The following PFKP variants were observed in gnomAD, a reference collection of about 807,000 sequenced individuals.
The protein encoded by PFKP is phosphofructokinase, platelet.
A neutral mutation model predicts 94.3 loss-of-function variants in PFKP; 101 were observed. That is an observed-to-expected ratio of 1.07 (90% CI 0.91 to 1.26). The LOEUF (loss-of-function observed/expected upper bound fraction) is 1.26, where lower values mean the gene tolerates loss of function less well. Ranked by LOEUF, PFKP falls within the 50% of genes most tolerant of loss-of-function variation. The probability of loss-of-function intolerance (pLI) is 0.00; values close to 1 mark genes in which losing one functional copy is unlikely to be tolerated. For synonymous variants in PFKP, 573 were observed against 432.6 expected, an observed-to-expected ratio of 1.32 and a Z score of -4.03; for missense variants, 1,145 against 1,103.3, an observed-to-expected ratio of 1.04 and a Z score of -0.53.
Position 3,103,777 on chromosome 10 carries a change from A to G in PFKP, c.455-2A>G, listed in dbSNP as rs112365144. On this transcript the variant is annotated splice_acceptor_variant, in intron 4 of 21. Coordinates refer to ENST00000381125, the MANE Select transcript of PFKP (RefSeq NM_002627.5). LOFTEE classifies it high-confidence loss of function. ...GAGACGTGCTGTTTGCTCCCCGCGC[A>G]GGCCAGATCGATAAGGAGGCCGTGC... 1.9e-6 allele frequency: 3 copies of G among 1,613,836 alleles called. No individual in the cohort carries two copies. Among genetic ancestry groups the G allele is most frequent in the Non-Finnish European group, 2.5e-6 (3 of 1,180,026 alleles).
At chr10:3,127,630 C>T (rs1313401232) in intron 16 of PFKP, among the ~76,000 whole-genome samples, 1 of 152,196 alleles carries the variant, frequency 6.6e-6, no homozygotes, top group Non-Finnish European at 1.5e-5. Flanking sequence ...TGGAACAGTG[C>T]AACCCTCAGA....
chr10:3,134,719 T>TGA, intron 20 of PFKP, 137 bp downstream of exon 20: 1 of 596,562 alleles, frequency 1.7e-6, no homozygotes, highest in Non-Finnish European at 3.0e-6. Flanking sequence ...GATGTTTTAC[T>TGA]CCTGATCTCT....
chr10:3,129,954 G>C lies in PFKP; in HGVS notation c.1819G>C (p.Glu607Gln). The C allele has an allele frequency of 1.3e-6, 2 of 1,596,176 alleles. No homozygotes were observed. The highest frequency in any genetic ancestry group is 1.7e-6 in the Non-Finnish European group (2 of 1,169,776). Residue 607 changes from glutamate (E) to glutamine (Q), a missense_variant, in exon 17 of 22, where the codon GAA (glutamate) becomes CAA (glutamine). Glu to Gln is a conservative substitution (Grantham distance 29). Around this residue, in one of 3 missense-constraint regions of PFKP, gnomAD observed 1,119 missense variants for 1,062.8 expected, o/e 1.05. Coordinates refer to ENST00000381125, the MANE Select transcript of PFKP (RefSeq NM_002627.5). ...CGGAGCTGATGCCGCATACATTTTC[G>C]AAGAGCCCTTCGACATCAGGGATCT... ...AAGADAAYIFEEPFDIRDLQS... is the reference protein window; with the variant it reads ...AAGADAAYIFQEPFDIRDLQS...
Position 3,103,892 on chromosome 10 carries a change from G to A in PFKP, c.568G>A (p.Ala190Thr), listed in dbSNP as rs1313326199. The A allele has an allele frequency of 5.0e-6, 8 of 1,613,820 alleles. No individual in the cohort carries two copies. Among genetic ancestry groups the A allele is most frequent in the East Asian group, 2.2e-5 (1 of 44,872 alleles). ...GTDMTIGTDS[A>T]LHRIIEVVDA... is the part of the protein sequence containing the mutation. Reference sequence around the variant, plus strand: ...CGACATGACCATCGGCACGGACTCCGCCCTGCACAGGATCATCGAGGTCGT... The same window carrying A: ...CGACATGACCATCGGCACGGACTCCACCCTGCACAGGATCATCGAGGTCGT... Residue 190 changes from alanine to threonine, a missense_variant, in exon 5 of 22, where the codon GCC (alanine) becomes ACC (threonine). Ala to Thr is a moderately conservative substitution (Grantham distance 58, BLOSUM62 0). Around this residue, in one of 3 missense-constraint regions of PFKP, gnomAD observed 1,119 missense variants for 1,062.8 expected, o/e 1.05. Transcript: ENST00000381125.
At chr10:3,070,168 T>A (rs1236189631) in intron 1 of PFKP, 4 of 152,262 alleles carry the variant, frequency 2.6e-5, no homozygotes, top group Admixed American at 2.6e-4. Flanking sequence ...GTCACAATTT[T>A]TTTGTAGACT....
Position 3,112,186 on chromosome 10 carries a change from A to C in PFKP, c.1090-36A>C, listed in dbSNP as rs762081924. On this transcript the variant is annotated intron_variant, in intron 10 of 21. Transcript: ENST00000381125. ...CCCATCCATGATGCACCAGGTCCTG[A>C]CACATTCTTTCTTCTTTTCATCATT... 2.3e-5 allele frequency: 36 copies of C among 1,560,414 alleles called. No homozygotes were observed. The Middle Eastern group carries it at 5.0e-4, about 22-fold the overall frequency.
intron 3 of PFKP, chr10:3,100,865 A>AATAAAAAAAAT: frequency 8.2e-6 from 4 of 487,436 alleles, no homozygotes; most frequent in Non-Finnish European, 6.4e-6. Flanking sequence ...TGTGGTGCAA[A>AATAAAAAAAAT]AAAAAAAAAA....
At chr10:3,100,847 A>G in intron 3 of PFKP, 1 of 560,130 alleles carries the variant, frequency 1.8e-6, no homozygotes, top group Non-Finnish European at 3.2e-6. Context: ...TAAAAGGGGC[A>G]GCGAGTATGT....
chr10:3,104,077 G>A, intron 5 of PFKP, 133 bp downstream of exon 5: 2 of 703,204 alleles, frequency 2.8e-6, no homozygotes, highest in South Asian at 4.1e-5. Flanking sequence ...ACTTTTAGGA[G>A]CTATTGCCAG....
intron 2 of PFKP, among the ~76,000 whole-genome samples, chr10:3,095,470 G>A (rs985532192): frequency 6.6e-6 from 1 of 152,202 alleles, no homozygotes; most frequent in Non-Finnish European, 1.5e-5. Context: ...AATTCTGTCC[G>A]ACGATGGATC....
Position 3,101,554 on chromosome 10 carries a change from G to C in PFKP, c.454G>C (p.Gly152Arg). The change falls in exon 4 of 22, where the codon GGC (glycine) becomes CGC (arginine). Residue 152 changes from glycine (G) to arginine (R), a missense_variant and splice_region_variant. Transcript: ENST00000381125. ...SGLLEELARN[G>R]QIDKEAVQKY... ...GCTGCTGGAGGAGCTGGCCAGGAAC[G>C]GTGAGTGGACACCTGCTCCTCTGTC... The C allele has an allele frequency of 5.9e-6, 9 of 1,530,642 alleles. No homozygotes were observed. The highest frequency in any genetic ancestry group is 3.9e-5 in the South Asian group (3 of 77,596). The allele number at this position is 1,530,642 out of a possible 1,614,324, so 94.8% of individuals were successfully genotyped here.
intron 16 of PFKP, among the ~76,000 whole-genome samples, chr10:3,123,385 T>TC (rs1043642998): frequency 5.6e-4 from 85 of 152,202 alleles, no homozygotes; most frequent in African/African-American, 2.0e-3. Context: ...GGGCAGGGTC[T>TC]CCCCCGTATT....
chr10:3,079,665 G>C (rs957925156), intron 1 of PFKP, among the ~76,000 whole-genome samples: 3 of 109,844 alleles, frequency 2.7e-5, no homozygotes, highest in Non-Finnish European at 4.0e-5. Flanking sequence ...AGCGGGGTGG[G>C]GGGGGGGGGA....
chr10:3,099,896 G>C (rs113042296), intron 3 of PFKP, among the ~76,000 whole-genome samples: 1,567 of 145,424 alleles, frequency 0.011, 25 homozygotes, highest in African/African-American at 0.037. Context: ...GTGTGTAACT[G>C]TGTGAGTCTG....
At chr10:3,102,642 G>T (rs1305365736) in intron 4 of PFKP, among the ~76,000 whole-genome samples, 4 of 152,158 alleles carry the variant, frequency 2.6e-5, no homozygotes, top group African/African-American at 9.7e-5. Flanking sequence ...ATGTTGGCCA[G>T]GCTGGTCTCG....
chr10:3,111,938 G>A (rs1016020673), intron 10 of PFKP, among the ~76,000 whole-genome samples: 1 of 152,178 alleles, frequency 6.6e-6, no homozygotes, highest in African/African-American at 2.4e-5. Flanking sequence ...ACAGTGTTGT[G>A]TCCACAAACA....
intron 6 of PFKP, 79 bp from the exon 7 acceptor site, chr10:3,105,314 G>A: frequency 7.4e-7 from 1 of 1,352,908 alleles, no homozygotes; most frequent in African/African-American, 1.4e-5. Context: ...CTGCACGTCT[G>A]TCGCTGAGCG....
At chr10:3,112,391 A>G in intron 11 of PFKP, 105 bp downstream of exon 11, 1 of 867,810 alleles carries the variant, frequency 1.2e-6, no homozygotes, top group Non-Finnish European at 2.0e-6. Context: ...GTCACTGTGA[A>G]AAATCAGAAA....
intron 3 of PFKP, among the ~76,000 whole-genome samples, chr10:3,100,460 T>G (rs1177489450): frequency 6.6e-6 from 1 of 152,112 alleles, no homozygotes; most frequent in Non-Finnish European, 1.5e-5. Flanking sequence ...TTTCTGGGAT[T>G]TGGAATATTA....
Sources: gnomAD v4.1 joint callset for allele counts (sites outside exome capture counted in the v4.1 genomes callset) on GRCh38, gnomAD v4.1.1 for gene constraint, gnomAD v4.1.1 regional missense constraint, MANE v1.5 for transcripts, NCBI Gene and HGNC (gene_info 2026-07-23, HGNC 2026-07-21) for gene names.